RBFOX3: variants seen among roughly 807,000 people sequenced by gnomAD.
RBFOX3 encodes RNA binding fox-1 homolog 3.
In RBFOX3, 17 loss-of-function variants were observed where a neutral mutation model predicts 48.7. That is an observed-to-expected ratio of 0.35 (90% CI 0.24 to 0.52). RBFOX3 has a LOEUF of 0.52. Ranked by LOEUF, RBFOX3 falls within the 20% of genes least tolerant of loss-of-function variation. The pLI is 0.94. For missense variants in RBFOX3, 382 were observed against 497.5 expected, an observed-to-expected ratio of 0.77 and a Z score of 2.21; for synonymous variants, 212 against 209.5, an observed-to-expected ratio of 1.01 and a Z score of -0.10.
In RBFOX3 at chr17:79,444,341, C is replaced by G. The variant is rs369722636; in HGVS notation, c.-175+38113G>C. Among the ~76,000 whole-genome samples the G allele has an allele frequency of 2.0e-5, 3 of 152,110 alleles. No individual in the cohort carries two copies. In the South Asian group the frequency reaches 6.2e-4, roughly 32 times the overall value. On this transcript the variant is annotated intron_variant, in intron 2 of 14. Coordinates refer to ENST00000693108, the MANE Select transcript of RBFOX3 (RefSeq NM_001350451.2). ...CCTGTGCGTCTGGCTCAGGTCCACTCTCAGGCACCCTGAGCCCAGTGAGGT... is the reference window on the plus strand; with the variant it reads ...CCTGTGCGTCTGGCTCAGGTCCACTGTCAGGCACCCTGAGCCCAGTGAGGT...
chr17:79,174,192 G>A (rs1283007510), intron 4 of RBFOX3, among the ~76,000 whole-genome samples: 2 of 152,272 alleles, frequency 1.3e-5, no homozygotes, highest in East Asian at 3.9e-4. Context: ...CAGGGACGAA[G>A]TGCTCACTAT....
intron 4 of RBFOX3, among the ~76,000 whole-genome samples, chr17:79,150,346 G>C (rs2057132860): frequency 6.6e-6 from 1 of 152,188 alleles, no homozygotes; most frequent in Middle Eastern, 3.4e-3. Flanking sequence ...GTGGGCCTGG[G>C]ACACGCAGAC....
chr17:79,659,969 G>T, the RBFOX3 span, among the ~76,000 whole-genome samples: 1 of 152,024 alleles, frequency 6.6e-6, no homozygotes, highest in Non-Finnish European at 1.5e-5. Context: ...GGCAGATCAT[G>T]TGAGGTCAGG....
chr17:79,220,235 G>T lies in RBFOX3; in HGVS notation c.-34+15531C>A, dbSNP rs1459430629. 6.6e-6 allele frequency among the ~76,000 whole-genome samples: 1 copy of T among 152,218 alleles called. No individual in the cohort carries two copies. The highest frequency in any genetic ancestry group is 2.4e-5 in the African/African-American group (1 of 41,450). ...GGCTCCACAGCAGGCTCCCGGGGAGGAGGGGAGGAGACCCAATCAGGGAAG... is the reference window on the plus strand; with the variant it reads ...GGCTCCACAGCAGGCTCCCGGGGAGTAGGGGAGGAGACCCAATCAGGGAAG... On this transcript the variant is annotated intron_variant, in intron 4 of 14. Coordinates refer to ENST00000693108, the MANE Select transcript of RBFOX3 (RefSeq NM_001350451.2). This position sits in a 1 kb window ranked among gnomAD's most constrained non-coding sequence, Gnocchi z 5.9.
chr17:79,424,840 T>C (rs1311664748), intron 2 of RBFOX3, among the ~76,000 whole-genome samples: 2 of 151,838 alleles, frequency 1.3e-5, no homozygotes, highest in Admixed American at 1.3e-4. Context: ...CCATCTCTGC[T>C]CCTGGAAGGC....
At chr17:79,615,752 A>G (rs950394840), upstream of RBFOX3, among the ~76,000 whole-genome samples, 1 of 152,166 alleles carries the variant, frequency 6.6e-6, no homozygotes, top group Non-Finnish European at 1.5e-5. Flanking sequence ...GGCCACAGGG[A>G]ACAAAGAAAC....
intron 2 of RBFOX3, among the ~76,000 whole-genome samples, chr17:79,347,684 C>A (rs370801239): frequency 2.3e-3 from 346 of 152,182 alleles, no homozygotes; most frequent in African/African-American, 8.0e-3. Flanking sequence ...ACCTTAACAC[C>A]AACAATTTCT....
chr17:79,465,117 C>G (rs2076140945), intron 2 of RBFOX3, among the ~76,000 whole-genome samples: 1 of 152,178 alleles, frequency 6.6e-6, no homozygotes, highest in Non-Finnish European at 1.5e-5. Flanking sequence ...CCACCTCCCT[C>G]GTGTCTTCCT....
rs74788281 is a variant in RBFOX3 at position 79,223,833 on chromosome 17, A to G, written c.-34+11933T>C. 3.1e-3 allele frequency among the ~76,000 whole-genome samples: 479 copies of G among 152,286 alleles called. 3 individuals are homozygous for G. The highest frequency in any genetic ancestry group is 0.011 in the African/African-American group (452 of 41,554). On this transcript the variant is annotated intron_variant, in intron 4 of 14. Coordinates refer to ENST00000693108, the MANE Select transcript of RBFOX3 (RefSeq NM_001350451.2). Reference sequence around the variant, plus strand: ...CTACAGCACAGCACTAAAGCAAACAACACTTTCAATAATTCAGCAGCAGGA... The same window carrying G: ...CTACAGCACAGCACTAAAGCAAACAGCACTTTCAATAATTCAGCAGCAGGA...
intron 2 of RBFOX3, among the ~76,000 whole-genome samples, chr17:79,316,503 G>A (rs12600462): frequency 0.042 from 6,335 of 152,240 alleles, 448 homozygotes; most frequent in East Asian, 0.23. Context: ...GCAGCTCGTC[G>A]CTCTGCTCAA....
chr17:79,464,174 G>A (rs2076008268), intron 2 of RBFOX3, among the ~76,000 whole-genome samples: 1 of 152,232 alleles, frequency 6.6e-6, no homozygotes, highest in Admixed American at 6.5e-5. Flanking sequence ...CGTGCTCTGT[G>A]GCGAGGCCTC....
intron 2 of RBFOX3, among the ~76,000 whole-genome samples, chr17:79,386,838 G>A (rs534643458): frequency 1.3e-5 from 2 of 152,354 alleles, no homozygotes; most frequent in South Asian, 4.1e-4. Flanking sequence ...AGTGGCAGAA[G>A]GCCATCCCTA....
chr17:79,269,002 T>G (rs1319717671), intron 3 of RBFOX3, among the ~76,000 whole-genome samples: 1 of 152,268 alleles, frequency 6.6e-6, no homozygotes, highest in Non-Finnish European at 1.5e-5. Flanking sequence ...CCTCAGAATG[T>G]GACCTCATTT....
chr17:79,262,734 T>G (rs1489368778), intron 3 of RBFOX3, among the ~76,000 whole-genome samples: 1 of 152,160 alleles, frequency 6.6e-6, no homozygotes, highest in Non-Finnish European at 1.5e-5. Context: ...AGTCCATCCT[T>G]ACTTGGGGCA....
chr17:79,545,048 T>G (rs1328817411), intron 1 of RBFOX3, among the ~76,000 whole-genome samples: 1 of 150,772 alleles, frequency 6.6e-6, no homozygotes, highest in Non-Finnish European at 1.5e-5. Flanking sequence ...CTTCTTGTTC[T>G]AGAAAAACAA....
At chr17:79,234,753 G>C (rs1397812424) in intron 4 of RBFOX3, 1 of 75,914 alleles carries the variant, frequency 1.3e-5, no homozygotes, top group African/African-American at 9.2e-5. Context: ...TTTTTTTTGA[G>C]ATGGAGTCTT....
intron 3 of RBFOX3, among the ~76,000 whole-genome samples, chr17:79,302,542 G>C (rs559392129): frequency 2.0e-5 from 3 of 152,176 alleles, no homozygotes; most frequent in Admixed American, 1.3e-4. Flanking sequence ...TTAGCTGGGC[G>C]TGGTGGCAGT....
At chr17:79,445,352 G>GT (rs2072022767) in intron 2 of RBFOX3, among the ~76,000 whole-genome samples, 1 of 152,168 alleles carries the variant, frequency 6.6e-6, no homozygotes, top group African/African-American at 2.4e-5. Context: ...TGAAAAATGA[G>GT]TTTCTAAATG....
chr17:79,344,610 G>A (rs984258825), intron 2 of RBFOX3, among the ~76,000 whole-genome samples: 8 of 151,658 alleles, frequency 5.3e-5, no homozygotes, highest in Admixed American at 2.0e-4. Flanking sequence ...GCTGGAGTGC[G>A]GTGGCACAAT....
Sources: gnomAD v4.1 joint callset for allele counts (sites outside exome capture counted in the v4.1 genomes callset) on GRCh38, gnomAD v4.1.1 for gene constraint, Gnocchi (gnomAD v3.1) non-coding constraint, MANE v1.5 for transcripts, NCBI Gene and HGNC (gene_info 2026-07-23, HGNC 2026-07-21) for gene names.